The following CUX2 variants were observed in gnomAD, a reference collection of about 807,000 sequenced individuals.
CUX2 encodes cut like homeobox 2.
A neutral mutation model predicts 144.8 loss-of-function variants in CUX2; 40 were observed. The observed-to-expected ratio is 0.28, with a 90% confidence interval of 0.21 to 0.36. CUX2 has a LOEUF of 0.36. CUX2 is among the 10% of genes least tolerant of loss of function. The pLI, the probability that CUX2 is intolerant of heterozygous loss-of-function variation, is 1.00. For synonymous variants in CUX2, 827 were observed against 875.6 expected (o/e 0.94, Z 0.98); for missense variants, 1,615 against 1,994.0 (o/e 0.81, Z 3.62).
At chr12:111,042,236 T>G (rs1440196089) in intron 1 of CUX2, among the ~76,000 whole-genome samples, 1 of 152,184 alleles carries the variant, frequency 6.6e-6, no homozygotes, top group Non-Finnish European at 1.5e-5. Context: ...GTCGATTGAC[T>G]TGCCCAGCCG....
intron 8 of CUX2, among the ~76,000 whole-genome samples, chr12:111,297,036 G>A (rs1295641490): frequency 3.3e-4 from 45 of 137,838 alleles, no homozygotes; most frequent in Admixed American, 3.0e-3. Flanking sequence ...TCCCAGACAC[G>A]CCTCCTCCCT....
intron 1 of CUX2, among the ~76,000 whole-genome samples, chr12:111,050,804 AG>A (rs1409524835): frequency 6.6e-6 from 1 of 152,236 alleles, no homozygotes. Flanking sequence ...GCAGCAAGTG[AG>A]GTTATTAAAA....
Position 111,310,280 on chromosome 12 carries a change from G to C in CUX2, c.1498G>C (p.Glu500Gln). 6.7e-7 allele frequency: 1 copy of C among 1,493,504 alleles called. No homozygotes were observed. Among genetic ancestry groups the C allele is most frequent in the Non-Finnish European group, 8.9e-7 (1 of 1,118,830 alleles). The allele number at this position is 1,493,504 out of a possible 1,614,324, so 92.5% of individuals were successfully genotyped here. A position where few individuals can be genotyped will look rare whatever the true frequency, so the allele number is the denominator to read the frequency against. The change falls in exon 15 of 22, where the codon GAG (glutamate) becomes CAG (glutamine). Residue 500 changes from glutamate (E) to glutamine (Q), a missense_variant. Physicochemically the swap from Glu to Gln is conservative, Grantham distance 29. Coordinates refer to ENST00000261726, the MANE Select transcript of CUX2 (RefSeq NM_015267.4). This position sits in a 1 kb window ranked among gnomAD's most constrained non-coding sequence, Gnocchi z 7.9. ...LMMPPAAFKG[E>Q]AGGLLVFPPA... is the part of the protein sequence containing the mutation. The stretch of plus-strand genomic sequence containing the variant: ...GATGCCCCCAGCCGCCTTCAAGGGA[G>C]AGGCGGGCGGCCTGCTGGTGTTCCC...
At chr12:111,282,968 T>C (rs911813314) in intron 4 of CUX2, among the ~76,000 whole-genome samples, 2 of 151,962 alleles carry the variant, frequency 1.3e-5, no homozygotes, top group Non-Finnish European at 2.9e-5. Context: ...ATCCCAGCAC[T>C]TTGGAAGGCC....
chr12:111,233,290 C>G (rs1290954401), intron 3 of CUX2, among the ~76,000 whole-genome samples: 3 of 152,138 alleles, frequency 2.0e-5, no homozygotes, highest in Non-Finnish European at 4.4e-5. Flanking sequence ...CCATTGCCTC[C>G]CTACCCTTGC....
At chr12:111,060,622 G>A (rs1870724810) in intron 1 of CUX2, among the ~76,000 whole-genome samples, 1 of 152,214 alleles carries the variant, frequency 6.6e-6, no homozygotes, top group Admixed American at 6.5e-5. Context: ...TGGGAAGCAG[G>A]GATCTCACTC....
intron 19 of CUX2, among the ~76,000 whole-genome samples, chr12:111,337,352 CA>C (rs1197695502): frequency 2.2e-3 from 249 of 111,438 alleles, no homozygotes; most frequent in Middle Eastern, 5.0e-3. Flanking sequence ...GACCCTGTCT[CA>C]AAAAAAAAAA....
At chr12:111,083,995 G>T (rs1006497005) in intron 1 of CUX2, among the ~76,000 whole-genome samples, 1 of 152,182 alleles carries the variant, frequency 6.6e-6, no homozygotes, top group Non-Finnish European at 1.5e-5. Flanking sequence ...AGTAGTCAGG[G>T]AGGGCTTCCC....
At chr12:111,103,674 G>A (rs1301903875) in intron 1 of CUX2, among the ~76,000 whole-genome samples, 1 of 152,160 alleles carries the variant, frequency 6.6e-6, no homozygotes, top group Non-Finnish European at 1.5e-5. Flanking sequence ...ATAACAGGCA[G>A]GACTCTTACG....
chr12:111,145,179 A>G (rs891613696), intron 1 of CUX2, among the ~76,000 whole-genome samples: 1 of 152,232 alleles, frequency 6.6e-6, no homozygotes, highest in Non-Finnish European at 1.5e-5. Context: ...GTGATCTCAT[A>G]TAATGCTTGT....
In CUX2 at chr12:111,293,656, C is replaced by A; in HGVS notation, c.560+87C>A. The A allele has an allele frequency of 6.8e-7, 1 of 1,480,826 alleles. No homozygotes were observed. Among genetic ancestry groups the A allele is most frequent in the South Asian group, 1.3e-5 (1 of 74,228 alleles). The allele number at this position is 1,480,826 out of a possible 1,614,324, so 91.7% of individuals were successfully genotyped here. A position where few individuals can be genotyped will look rare whatever the true frequency, so the allele number is the denominator to read the frequency against. On this transcript the variant is annotated intron_variant, in intron 6 of 21. Coordinates refer to ENST00000261726, the MANE Select transcript of CUX2 (RefSeq NM_015267.4). This position sits in a 1 kb window ranked among gnomAD's most constrained non-coding sequence, Gnocchi z 4.5. ...TGGCTGGGTCGTGGACGGGGAAAGT[C>A]TCCTACCAGAATCCAGATGCAGGCT...
At chr12:111,042,740 TC>T (rs566980881) in intron 1 of CUX2, among the ~76,000 whole-genome samples, 192 of 151,038 alleles carry the variant, frequency 1.3e-3, no homozygotes, top group African/African-American at 4.5e-3. Context: ...CAGATGATCC[TC>T]CCATCTCAGC....
intron 1 of CUX2, among the ~76,000 whole-genome samples, chr12:111,127,681 C>T (rs1875179993): frequency 6.6e-6 from 1 of 152,174 alleles, no homozygotes; most frequent in South Asian, 2.1e-4. Context: ...TGGCTCTTTA[C>T]AGGTGTATTA....
chr12:111,051,501 T>G (rs181434480), intron 1 of CUX2, among the ~76,000 whole-genome samples: 2,093 of 152,232 alleles, frequency 0.014, 40 homozygotes, highest in African/African-American at 0.043. Flanking sequence ...TAACTTTTTT[T>G]TTTTGTTTTG....
At chr12:111,116,522 T>A (rs1874316161) in intron 1 of CUX2, among the ~76,000 whole-genome samples, 1 of 152,220 alleles carries the variant, frequency 6.6e-6, no homozygotes. Context: ...GGGTGAGCAT[T>A]TCTATGGAAG....
At chr12:111,062,596 C>G (rs986453434) in intron 1 of CUX2, among the ~76,000 whole-genome samples, 14 of 151,606 alleles carry the variant, frequency 9.2e-5, no homozygotes, top group Admixed American at 5.9e-4. Context: ...CAGACATGCT[C>G]TCTGCTCTCG....
At chr12:111,167,475 G>C (rs1171819053) in intron 1 of CUX2, among the ~76,000 whole-genome samples, 5 of 152,144 alleles carry the variant, frequency 3.3e-5, no homozygotes, top group Admixed American at 3.3e-4. Flanking sequence ...AGAACAAGTG[G>C]GTGAACTTGA....
In CUX2 at chr12:111,267,273, C is replaced by T. The variant is rs1477423490; in HGVS notation, c.301+3434C>T. On this transcript the variant is annotated intron_variant, in intron 4 of 21. Coordinates refer to ENST00000261726, the MANE Select transcript of CUX2 (RefSeq NM_015267.4). ...ACTACAGAGTCTCAGGCCCCATCCC[C>T]GGCCCACAGAATCAGCTTCTGCATT... Among the ~76,000 whole-genome samples, 9 of 151,916 alleles carry T rather than the reference C, an allele frequency of 5.9e-5. No homozygotes were observed. The South Asian group carries it at 6.2e-4, about 11-fold the overall frequency.
intron 1 of CUX2, among the ~76,000 whole-genome samples, chr12:111,058,665 G>A (rs557385531): frequency 2.6e-5 from 4 of 152,264 alleles, no homozygotes; most frequent in Admixed American, 1.3e-4. Flanking sequence ...CCAAGGAGAC[G>A]TTTTAGTGCA....
Sources: allele counts gnomAD v4.1 joint callset (sites outside exome capture counted in the v4.1 genomes callset), GRCh38; gene constraint gnomAD v4.1.1; non-coding constraint Gnocchi (gnomAD v3.1); transcripts MANE v1.5; gene names NCBI Gene and HGNC (gene_info 2026-07-23, HGNC 2026-07-21).